The following RSRC1 variants were observed in gnomAD, a reference collection of about 807,000 sequenced individuals.
The protein encoded by RSRC1 is serine/Arginine-related protein 53.
A neutral mutation model predicts 49.1 loss-of-function variants in RSRC1; 39 were observed. The observed-to-expected ratio is 0.79, with a 90% confidence interval of 0.61 to 1.04. RSRC1 has a LOEUF of 1.04. Ranked by LOEUF, RSRC1 falls within the 50% of genes least tolerant of loss-of-function variation. RSRC1 has a pLI of 0.00. For missense variants in RSRC1, 388 were observed against 402.4 expected (o/e 0.96, Z 0.31); for synonymous variants, 143 against 130.8 (o/e 1.09, Z -0.63).
At chr3:158,382,892 T>G (rs906216810) in intron 6 of RSRC1, among the ~76,000 whole-genome samples, 7 of 152,212 alleles carry the variant, frequency 4.6e-5, no homozygotes, top group Non-Finnish European at 8.8e-5. Flanking sequence ...GACAGATTTA[T>G]TTTCACCCCT....
intron 6 of RSRC1, among the ~76,000 whole-genome samples, chr3:158,431,999 G>T (rs528250758): frequency 6.6e-6 from 1 of 152,056 alleles, no homozygotes; most frequent in South Asian, 2.1e-4. Context: ...CATGAATAAT[G>T]TCCATTTAAA....
intron 5 of RSRC1, among the ~76,000 whole-genome samples, chr3:158,350,195 T>G (rs1730794857): frequency 6.8e-6 from 1 of 148,074 alleles, no homozygotes; most frequent in African/African-American, 2.5e-5. Flanking sequence ...TTTTTTTTTT[T>G]GAGAAAAGGT....
intron 7 of RSRC1, among the ~76,000 whole-genome samples, chr3:158,465,319 C>T (rs1737829259): frequency 6.6e-6 from 1 of 152,118 alleles, no homozygotes; most frequent in East Asian, 1.9e-4. Context: ...GAGGTTTTGC[C>T]TGGCCCCGTG....
At chr3:158,431,718 G>T (rs1469025737) in intron 6 of RSRC1, among the ~76,000 whole-genome samples, 2 of 151,734 alleles carry the variant, frequency 1.3e-5, no homozygotes, top group Non-Finnish European at 2.9e-5. Context: ...AGAAATTCTG[G>T]TCATTCCTAA....
At chr3:158,356,274 A>G (rs983898975) in intron 6 of RSRC1, among the ~76,000 whole-genome samples, 7 of 152,084 alleles carry the variant, frequency 4.6e-5, no homozygotes, top group Non-Finnish European at 8.8e-5. Context: ...CCACCAAATG[A>G]TAATAGTTAT....
At chr3:158,449,561 G>A (rs1353584229) in intron 6 of RSRC1, among the ~76,000 whole-genome samples, 7 of 151,908 alleles carry the variant, frequency 4.6e-5, no homozygotes, top group South Asian at 4.1e-4. Context: ...ATGGAGAATC[G>A]TGAGAAATTT....
At chr3:158,170,727 A>G (rs998389807) in intron 3 of RSRC1, among the ~76,000 whole-genome samples, 1 of 152,166 alleles carries the variant, frequency 6.6e-6, no homozygotes, top group African/African-American at 2.4e-5. Flanking sequence ...ATTTCTAACT[A>G]GACTATGGGG....
At chr3:158,211,581 A>C (rs945929995) in intron 4 of RSRC1, among the ~76,000 whole-genome samples, 1 of 152,002 alleles carries the variant, frequency 6.6e-6, no homozygotes, top group African/African-American at 2.4e-5. Flanking sequence ...ATTATCTATA[A>C]TCTATGGAGT....
chr3:158,233,409 C>G (rs1268525788), intron 4 of RSRC1, among the ~76,000 whole-genome samples: 2 of 152,068 alleles, frequency 1.3e-5, no homozygotes. Context: ...ATGATCAAAA[C>G]TGGAGAAACT....
At chr3:158,324,489 T>A (rs1342456521) in intron 5 of RSRC1, among the ~76,000 whole-genome samples, 10 of 152,150 alleles carry the variant, frequency 6.6e-5, no homozygotes, top group Admixed American at 6.5e-4. Context: ...GGTGTTTGGT[T>A]TTTTGTTCTT....
In RSRC1 at chr3:158,354,844, T is replaced by C; in HGVS notation, c.532-13T>C. 1 of 1,542,150 alleles carries C rather than the reference T, an allele frequency of 6.5e-7. No homozygotes were observed. Among genetic ancestry groups the C allele is most frequent in the South Asian group, 1.2e-5 (1 of 80,930 alleles). On this transcript the variant is annotated splice_polypyrimidine_tract_variant and intron_variant, in intron 5 of 9. Coordinates refer to ENST00000611884, the MANE Select transcript of RSRC1 (RefSeq NM_001271838.2). Reference sequence around the variant, plus strand: ...GTCTTGTATGGTTGAATTTTTTTTTTTTTCTTTTTTAGCCACCAGCTGAAC... The same window carrying C: ...GTCTTGTATGGTTGAATTTTTTTTTCTTTCTTTTTTAGCCACCAGCTGAAC...
At chr3:158,138,213 A>G (rs1313763472) in intron 3 of RSRC1, among the ~76,000 whole-genome samples, 1 of 152,200 alleles carries the variant, frequency 6.6e-6, no homozygotes, top group Non-Finnish European at 1.5e-5. Flanking sequence ...CATGTTGTGC[A>G]GAGAGGGGCT....
At chr3:158,235,049 G>A (rs1578226216) in intron 4 of RSRC1, among the ~76,000 whole-genome samples, 1 of 152,150 alleles carries the variant, frequency 6.6e-6, no homozygotes, top group Admixed American at 6.5e-5. Flanking sequence ...AATTCATGGT[G>A]ATGTTGGGGG....
At chr3:158,389,503 G>T (rs898809388) in intron 6 of RSRC1, among the ~76,000 whole-genome samples, 3 of 152,180 alleles carry the variant, frequency 2.0e-5, no homozygotes, top group Admixed American at 2.0e-4. Flanking sequence ...ATAGAGATCA[G>T]TGCAGATTAA....
At chr3:158,384,969 T>TAGCCCAATGAGTCCCCCAAAGTGCCA (rs1732893523) in intron 6 of RSRC1, among the ~76,000 whole-genome samples, 1 of 152,048 alleles carries the variant, frequency 6.6e-6, no homozygotes, top group Non-Finnish European at 1.5e-5. Flanking sequence ...CAGTTCCAGA[T>TAGCCCAATGAGTCCCCCAAAGTGCCA]AGCCCAATGA....
chr3:158,232,628 T>C (rs1473376899), intron 4 of RSRC1, among the ~76,000 whole-genome samples: 1 of 152,200 alleles, frequency 6.6e-6, no homozygotes, highest in Non-Finnish European at 1.5e-5. Context: ...TTATAACACC[T>C]GCTCAATATC....
At chr3:158,479,784 T>G (rs1280988007) in intron 7 of RSRC1, among the ~76,000 whole-genome samples, 1 of 152,070 alleles carries the variant, frequency 6.6e-6, no homozygotes, top group Non-Finnish European at 1.5e-5. Context: ...CCTGTAGGTA[T>G]TAAATGGCTA....
chr3:158,329,676 C>T (rs913374564), intron 5 of RSRC1, among the ~76,000 whole-genome samples: 3 of 152,176 alleles, frequency 2.0e-5, no homozygotes, highest in African/African-American at 4.8e-5. Context: ...TTAGGCTACT[C>T]GGGGATCAGG....
intron 6 of RSRC1, among the ~76,000 whole-genome samples, chr3:158,446,390 AT>A (rs1736720620): frequency 6.6e-6 from 1 of 151,840 alleles, no homozygotes; most frequent in Non-Finnish European, 1.5e-5. Flanking sequence ...TGTTTGATAT[AT>A]TTTTATTGCC....
Sources: gnomAD v4.1 joint callset for allele counts (sites outside exome capture counted in the v4.1 genomes callset) on GRCh38, gnomAD v4.1.1 for gene constraint, MANE v1.5 for transcripts, NCBI Gene and HGNC (gene_info 2026-07-23, HGNC 2026-07-21) for gene names.